LRRC47: variants seen among roughly 807,000 people sequenced by gnomAD.
LRRC47 encodes the protein leucine rich repeat containing 47, also known as leucine-rich repeat-containing protein 47.
LRRC47 carries 31 observed loss-of-function variants against 40.9 expected under a neutral mutation model. The observed-to-expected ratio is 0.76, with a 90% CI of 0.57 to 1.02. The LOEUF is 1.02. Ranked by LOEUF, LRRC47 falls within the 50% of genes least tolerant of loss-of-function variation. The probability of loss-of-function intolerance (pLI) is 0.00; values close to 1 mark genes in which losing one functional copy is unlikely to be tolerated. For missense variants in LRRC47, 726 were observed against 796.1 expected (o/e 0.91, Z 1.06); for synonymous variants, 427 against 371.9 (o/e 1.15, Z -1.70).
At chr1:3,782,030 A>G (rs777405556) in intron 5 of LRRC47, among the ~76,000 whole-genome samples, 1 of 152,148 alleles carries the variant, frequency 6.6e-6, no homozygotes, top group Admixed American at 6.5e-5. Flanking sequence ...CACTCCTTAC[A>G]GAGGAAGACT....
rs758027709 is a variant in LRRC47 at position 3,785,090 on chromosome 1, G to C, written c.1191C>G (p.Leu397=). The C allele has an allele frequency of 6.3e-7, 1 of 1,594,500 alleles. No homozygotes were observed. The highest frequency in any genetic ancestry group is 1.1e-5 in the South Asian group (1 of 89,698). The change falls in exon 3 of 7, where the codon CTC becomes CTG. Residue 397 remains leucine (L), a synonymous_variant. Transcript: ENST00000378251. ...CCTGCAAAGGAGGCTGCAGCACCTT[G>C]AGGTCCTGTGGGGGCCGGGCGCAGT... ...LLYCARPPQD[L]KIVPLGRKEA...
chr1:3,785,171 C>G lies in LRRC47; in HGVS notation c.1110G>C (p.Arg370Ser). ...TKLHEDLCEKRTAATLATHEL... is the reference protein window; with the variant it reads ...TKLHEDLCEKSTAATLATHEL... ...CGTGGGTGGCAAGGGTGGCAGCCGT[C>G]CTCTTCTCACAGAGATCTTCGTGGA... The change falls in exon 3 of 7, where the codon AGG becomes AGC. Residue 370 changes from arginine (R) to serine (S), a missense_variant. Transcript: ENST00000378251. 1 of 1,592,326 alleles carries G rather than the reference C, an allele frequency of 6.3e-7. No individual in the cohort carries two copies. Among genetic ancestry groups the G allele is most frequent in the Non-Finnish European group, 8.5e-7 (1 of 1,170,480 alleles).
chr1:3,783,110 TA>T (rs35550470), intron 4 of LRRC47: 21,596 of 150,528 alleles, frequency 0.14, 1,122 homozygotes, highest in African/African-American at 0.15. Flanking sequence ...GACCACATCT[TA>T]AAAAAAAAAA....
intron 2 of LRRC47, 185 bp from the exon 3 acceptor site, chr1:3,785,388 C>G (rs1570736898): frequency 2.9e-6 from 1 of 340,968 alleles, no homozygotes; most frequent in Admixed American, 4.8e-5. Context: ...GCCAGCCAGG[C>G]ACTCACTTTG....
In LRRC47 at chr1:3,787,040, C is replaced by A. The variant is rs750441272; in HGVS notation, c.886G>T (p.Gly296Trp). ...ERKQRREGGD[G>W]EEQDVGDAGR... ...GCATCTCCCACGTCCTGCTCCTCCC[C>A]ATCACCACCTTCCCGCCTCTGCTTC... Residue 296 changes from glycine (G) to tryptophan (W), a missense_variant, in exon 2 of 7, where the codon GGG (glycine) becomes TGG (tryptophan). Physicochemically the swap from Gly to Trp is radical, Grantham distance 184 (BLOSUM62 -2). Transcript: ENST00000378251. 1.2e-6 allele frequency: 2 copies of A among 1,612,938 alleles called. No homozygotes were observed. The highest frequency in any genetic ancestry group is 1.7e-6 in the Non-Finnish European group (2 of 1,179,550).
intron 1 of LRRC47, among the ~76,000 whole-genome samples, 157 bp from the exon 2 acceptor site, chr1:3,787,467 T>A (rs1394779919): frequency 6.6e-6 from 1 of 152,206 alleles, no homozygotes; most frequent in Non-Finnish European, 1.5e-5. Flanking sequence ...CATTCACCTT[T>A]GAGTCACTTC....
intron 5 of LRRC47, among the ~76,000 whole-genome samples, chr1:3,781,836 C>G (rs1380834602): frequency 6.6e-6 from 1 of 152,112 alleles, no homozygotes; most frequent in Non-Finnish European, 1.5e-5. Flanking sequence ...CAAAAATTAG[C>G]CAGGTGTGGT....
In LRRC47 at chr1:3,780,936, A is replaced by C. The variant is rs1329102426; in HGVS notation, c.*152T>G. 1 of 1,168,242 alleles carries C rather than the reference A, an allele frequency of 8.6e-7. No individual in the cohort carries two copies. The highest frequency in any genetic ancestry group is 1.5e-5 in the African/African-American group (1 of 65,348). 72.4% of individuals were successfully genotyped at this position (1,168,242 alleles called of 1,614,324 possible). A position where few individuals can be genotyped will look rare whatever the true frequency, so the allele number is the denominator to read the frequency against. On this transcript the variant is annotated 3_prime_UTR_variant, in exon 7 of 7. Coordinates refer to ENST00000378251, the MANE Select transcript of LRRC47 (RefSeq NM_020710.3). Reference sequence around the variant, plus strand: ...GGCTGCAGTGACTCGAGATCACGCCACTGCACTCCAGCCTGGCGACAGAGC... The same window carrying C: ...GGCTGCAGTGACTCGAGATCACGCCCCTGCACTCCAGCCTGGCGACAGAGC...
chr1:3,784,180 G>C (rs1169955126), intron 3 of LRRC47, 69 bp from the exon 4 acceptor site: 40 of 1,370,752 alleles, frequency 2.9e-5, no homozygotes, highest in Non-Finnish European at 4.0e-5. Context: ...TGTCGATTAC[G>C]GCCTTAAGCC....
At chr1:3,784,306 A>G in intron 3 of LRRC47, 195 bp from the exon 4 acceptor site, 1 of 572,660 alleles carries the variant, frequency 1.7e-6, no homozygotes, top group Non-Finnish European at 3.1e-6. Flanking sequence ...TCCCGGGGAG[A>G]CCTGACGCCC....
At chr1:3,792,440 G>C (rs892762915) in intron 1 of LRRC47, among the ~76,000 whole-genome samples, 1 of 150,440 alleles carries the variant, frequency 6.6e-6, no homozygotes, top group South Asian at 2.1e-4. Context: ...TACCAGGCAG[G>C]TGCTACAGAG....
In LRRC47 at chr1:3,786,955, C is replaced by G; in HGVS notation, c.971G>C (p.Arg324Thr). The change falls in exon 2 of 7, where the codon AGA becomes ACA. Residue 324 changes from arginine to threonine, a missense_variant. Coordinates refer to ENST00000378251, the MANE Select transcript of LRRC47 (RefSeq NM_020710.3). ...VSENPVPLTV[R>T]VSPEVRDVRP... Reference sequence around the variant, plus strand: ...CACATCCCGGACCTCGGGGCTCACTCTGACTGTCAGAGGTACGGGGTTTTC... The same window carrying G: ...CACATCCCGGACCTCGGGGCTCACTGTGACTGTCAGAGGTACGGGGTTTTC... 1 of 1,610,826 alleles carries G rather than the reference C, an allele frequency of 6.2e-7. No homozygotes were observed. Among genetic ancestry groups the G allele is most frequent in the Non-Finnish European group, 8.5e-7 (1 of 1,178,728 alleles).
chr1:3,791,306 TC>T (rs200435033), intron 1 of LRRC47, among the ~76,000 whole-genome samples: 1 of 152,194 alleles, frequency 6.6e-6, no homozygotes, highest in Non-Finnish European at 1.5e-5. Flanking sequence ...CAGCACTACC[TC>T]CCCCATCTCT....
intron 1 of LRRC47, 37 bp downstream of exon 1, chr1:3,795,825 G>A: frequency 6.6e-7 from 1 of 1,520,216 alleles, no homozygotes; most frequent in South Asian, 1.3e-5. Context: ...GCTACTCCAA[G>A]GCCCCATCCC....
rs756117909 is a variant in LRRC47, at chr1:3,781,316, C to A, written c.1524G>T (p.Lys508Asn). 1 of 1,612,728 alleles carries A rather than the reference C, an allele frequency of 6.2e-7. No homozygotes were observed. The highest frequency in any genetic ancestry group is 8.5e-7 in the Non-Finnish European group (1 of 1,178,968). ...CTTCCTCTTTATTTTCTAAAGTGTA[C>A]TTTTTCATTTCTGCCATTTTCTGCA... The part of the protein sequence containing the change: ...ALILKMAEMK[K>N]YTLENKEEGS... Residue 508 changes from lysine (K) to asparagine (N), a missense_variant, in exon 7 of 7, where the codon AAG becomes AAT. Physicochemically the swap from Lys to Asn is moderately conservative, Grantham distance 94 (BLOSUM62 0). Transcript: ENST00000378251.
At position 3,796,148 on chromosome 1, in the gene LRRC47, G is replaced by A; in HGVS notation, c.329C>T (p.Ala110Val). The A allele has an allele frequency of 1.4e-6, 2 of 1,437,994 alleles. No individual in the cohort carries two copies. Among genetic ancestry groups the A allele is most frequent in the Non-Finnish European group, 1.8e-6 (2 of 1,102,762 alleles). 89.1% of individuals were successfully genotyped at this position (1,437,994 alleles called of 1,614,324 possible). Reference protein sequence around the residue: ...ALRVLDLSGNALEALPPGQGL... With the variant: ...ALRVLDLSGNVLEALPPGQGL... ...TTGGCCCGGCGGCAGCGCCTCCAGC[G>A]CGTTGCCCGACAGGTCGAGCACCCG... The change falls in exon 1 of 7, where the codon GCG becomes GTG. Residue 110 changes from alanine (A) to valine (V), a missense_variant. Transcript: ENST00000378251.
rs1463260651 is a variant in LRRC47 at position 3,781,084 on chromosome 1, G to A, written c.*4C>T. ...CAAACAAACGCGGACAGGCGGCCCTGGCGTCAGCGCACGACAGTCACGTGG... is the reference window on the plus strand; with the variant it reads ...CAAACAAACGCGGACAGGCGGCCCTAGCGTCAGCGCACGACAGTCACGTGG... On this transcript the variant is annotated 3_prime_UTR_variant, in exon 7 of 7. Coordinates refer to ENST00000378251, the MANE Select transcript of LRRC47 (RefSeq NM_020710.3). The A allele has an allele frequency of 1.9e-6, 3 of 1,612,052 alleles. No homozygotes were observed. The highest frequency in any genetic ancestry group is 2.5e-6 in the Non-Finnish European group (3 of 1,178,838).
At chr1:3,786,789 C>T (rs1341537915) in intron 2 of LRRC47, 60 bp downstream of exon 2, 5 of 1,459,066 alleles carry the variant, frequency 3.4e-6, no homozygotes, top group South Asian at 2.7e-5. Context: ...AGGATGTGTC[C>T]CAGCTTGCGG....
At chr1:3,784,498 C>CA (rs1223999882) in intron 3 of LRRC47, among the ~76,000 whole-genome samples, 4 of 152,224 alleles carry the variant, frequency 2.6e-5, no homozygotes, top group African/African-American at 9.6e-5. Flanking sequence ...ACCCTACTGC[C>CA]AACCCCACGC....
Sources: gnomAD v4.1 joint callset for allele counts (sites outside exome capture counted in the v4.1 genomes callset) on GRCh38, gnomAD v4.1.1 for gene constraint, MANE v1.5 for transcripts, NCBI Gene and HGNC (gene_info 2026-07-23, HGNC 2026-07-21) for gene names.